The following HSPB8 variants were observed in gnomAD, a reference collection of about 807,000 sequenced individuals.
HSPB8 encodes heat shock protein beta-8.
HSPB8 carries 9 observed loss-of-function variants against 16.5 expected under a neutral mutation model. The ratio of observed to expected loss-of-function variants is 0.55; its 90% CI spans 0.33 to 0.95. HSPB8 has a LOEUF of 0.95. HSPB8 is among the 40% of genes least tolerant of loss of function. The pLI is 0.03. For missense variants in HSPB8, 238 were observed against 251.2 expected (o/e 0.95, Z 0.35); for synonymous variants, 99 against 94.8 (o/e 1.04, Z -0.26).
intron 1 of HSPB8, among the ~76,000 whole-genome samples, chr12:119,185,060 G>A (rs7304005): frequency 0.096 from 14,511 of 151,646 alleles, 921 homozygotes; most frequent in East Asian, 0.22. Context: ...TAGAAAAGTC[G>A]GAACATATAA....
chr12:119,194,039 A>G lies in HSPB8; in HGVS notation c.*181A>G, dbSNP rs1385345664. On this transcript the variant is annotated 3_prime_UTR_variant, in exon 3 of 3. Coordinates refer to ENST00000281938, the MANE Select transcript of HSPB8 (RefSeq NM_014365.3). ...GTAGATTTCTCCACAGGATAGCGCA[A>G]TTGGCAAATCATGCTTGGTTGTGTT... The G allele has an allele frequency of 7.2e-6, 5 of 693,034 alleles. No homozygotes were observed. The highest frequency in any genetic ancestry group is 1.3e-5 in the Non-Finnish European group (5 of 396,798). 42.9% of individuals were successfully genotyped at this position (693,034 alleles called of 1,614,324 possible).
chr12:119,193,473 T>G (rs1954724480), intron 2 of HSPB8, among the ~76,000 whole-genome samples: 2 of 152,124 alleles, frequency 1.3e-5, no homozygotes, highest in South Asian at 4.1e-4. Context: ...ACTCTACAAG[T>G]TCAGTATTAT....
chr12:119,179,972 T>C lies in HSPB8; in HGVS notation c.367+293T>C, dbSNP rs2278181. Among the ~76,000 whole-genome samples, 24 of 152,232 alleles carry C rather than the reference T, an allele frequency of 1.6e-4. No individual in the cohort carries two copies. The East Asian group carries it at 4.6e-3, about 29-fold the overall frequency. ...GGATATTTTGACAGAGGGCATTTAA[T>C]ATAAAGAATAGGTTAAGCAGATATC... On this transcript the variant is annotated intron_variant, in intron 1 of 2. Transcript: ENST00000281938.
Position 119,179,428 on chromosome 12 carries a change from C to G in HSPB8, c.116C>G (p.Pro39Arg). ...CTGGATGATGGCTTTGGCATGGACC[C>G]CTTCCCAGACGACTTGACAGCCTCT... ...RLLDDGFGMD[P>R]FPDDLTASWP... The change falls in exon 1 of 3, where the codon CCC (proline) becomes CGC (arginine). Residue 39 changes from proline (P) to arginine (R), a missense_variant. Pro to Arg is a moderately radical substitution (Grantham distance 103, BLOSUM62 -2). Transcript: ENST00000281938. 1.2e-6 allele frequency: 2 copies of G among 1,614,146 alleles called. No homozygotes were observed. The highest frequency in any genetic ancestry group is 1.7e-6 in the Non-Finnish European group (2 of 1,180,042).
Position 119,187,195 on chromosome 12 carries a change from C to T in HSPB8, c.431+107C>T, listed in dbSNP as rs1954682254. 3.5e-6 allele frequency: 3 copies of T among 861,062 alleles called. No homozygotes were observed. The East Asian group carries it at 7.7e-5, about 22-fold the overall frequency. The allele number at this position is 861,062 out of a possible 1,614,324, so 53.3% of individuals were successfully genotyped here. A position where few individuals can be genotyped will look rare whatever the true frequency, so the allele number is the denominator to read the frequency against. Reference sequence around the variant, plus strand: ...TCTTGGGCATCTCTCTTTTAAGACACCTCCTTGGGGCAGGGAATTGAACCC... The same window carrying T: ...TCTTGGGCATCTCTCTTTTAAGACATCTCCTTGGGGCAGGGAATTGAACCC... On this transcript the variant is annotated intron_variant, in intron 2 of 2. Coordinates refer to ENST00000281938, the MANE Select transcript of HSPB8 (RefSeq NM_014365.3).
At chr12:119,185,570 G>T (rs1565928679) in intron 1 of HSPB8, among the ~76,000 whole-genome samples, 1 of 152,076 alleles carries the variant, frequency 6.6e-6, no homozygotes, top group Non-Finnish European at 1.5e-5. Context: ...TTGACCTCGT[G>T]ATCCACCTGC....
chr12:119,189,035 T>C (rs920427359), intron 2 of HSPB8, among the ~76,000 whole-genome samples: 30 of 152,180 alleles, frequency 2.0e-4, no homozygotes, highest in African/African-American at 6.8e-4. Context: ...GCCTCTGCAG[T>C]TCTTGGAAGC....
rs183447670 is a variant in HSPB8, at chr12:119,193,683, C to T, written c.432-16C>T. 6.1e-4 allele frequency: 987 copies of T among 1,612,872 alleles called. 1 individual carries two copies. Among genetic ancestry groups the T allele is most frequent in the Non-Finnish European group, 8.0e-4 (938 of 1,178,850 alleles). ...ATTAACAACAATAAATGAATAAAAT[C>T]GTGTGTTTCTCCTAGGCTTCCTGCA... On this transcript the variant is annotated splice_polypyrimidine_tract_variant and intron_variant, in intron 2 of 2. Coordinates refer to ENST00000281938, the MANE Select transcript of HSPB8 (RefSeq NM_014365.3).
At chr12:119,180,657 A>G (rs1281686536) in intron 1 of HSPB8, among the ~76,000 whole-genome samples, 1 of 152,214 alleles carries the variant, frequency 6.6e-6, no homozygotes, top group African/African-American at 2.4e-5. Context: ...ACTAGGGGGA[A>G]AAATGAGAGA....
chr12:119,189,381 T>C (rs1954698019), intron 2 of HSPB8, among the ~76,000 whole-genome samples: 1 of 151,348 alleles, frequency 6.6e-6, no homozygotes, highest in South Asian at 2.1e-4. Context: ...GATAGCTTGC[T>C]GGAAGTAACC....
chr12:119,191,352 G>A (rs1057380006), intron 2 of HSPB8, among the ~76,000 whole-genome samples: 14 of 152,252 alleles, frequency 9.2e-5, no homozygotes, highest in African/African-American at 3.1e-4. Context: ...TGTGCACTGG[G>A]TTGGTGTGCA....
chr12:119,192,315 T>C (rs1954717060), intron 2 of HSPB8, among the ~76,000 whole-genome samples: 1 of 152,108 alleles, frequency 6.6e-6, no homozygotes, highest in Admixed American at 6.6e-5. Flanking sequence ...CTCTTAATCA[T>C]CCTCTTACAA....
chr12:119,186,931 G>A, intron 1 of HSPB8, 94 bp from the exon 2 acceptor site: 1 of 1,169,510 alleles, frequency 8.6e-7, no homozygotes, highest in Non-Finnish European at 1.3e-6. Flanking sequence ...ACACAGCAAG[G>A]CAGGTCCAGG....
At chr12:119,193,669 T>G (rs778587312) in intron 2 of HSPB8, 30 bp from the exon 3 acceptor site, 3 of 1,611,186 alleles carry the variant, frequency 1.9e-6, no homozygotes, top group Non-Finnish European at 1.7e-6. Context: ...TTAACAACAA[T>G]AAATGAATAA....
In HSPB8 at chr12:119,179,482, C is replaced by G; in HGVS notation, c.170C>G (p.Ser57Cys). The change falls in exon 1 of 3, where the codon TCC becomes TGC. Residue 57 changes from serine to cysteine, a missense_variant. Transcript: ENST00000281938. ...CCCGACTGGGCTCTGCCTCGTCTCT[C>G]CTCCGCCTGGCCAGGCACCCTAAGG... ...SWPDWALPRLSSAWPGTLRSG... is the reference protein window; with the variant it reads ...SWPDWALPRLCSAWPGTLRSG... 1 of 1,614,102 alleles carries G rather than the reference C, an allele frequency of 6.2e-7. No individual in the cohort carries two copies. The highest frequency in any genetic ancestry group is 8.5e-7 in the Non-Finnish European group (1 of 1,180,024).
At chr12:119,181,243 C>T (rs1954635119) in intron 1 of HSPB8, among the ~76,000 whole-genome samples, 3 of 152,178 alleles carry the variant, frequency 2.0e-5, no homozygotes, top group Admixed American at 2.0e-4. Flanking sequence ...CCTCCTGTCA[C>T]ATGCCCAAGG....
chr12:119,188,251 T>G (rs954463542), intron 2 of HSPB8, among the ~76,000 whole-genome samples: 1 of 149,998 alleles, frequency 6.7e-6, no homozygotes, highest in Non-Finnish European at 1.5e-5. Context: ...CTCTCTCTTT[T>G]TTTTTTTTTT....
chr12:119,184,222 G>A lies in HSPB8; in HGVS notation c.368-2803G>A, dbSNP rs771638492. ...ACTTCGGGTTTCCTATCTACAAAAT[G>A]ACAATAATGAAAATGCCTGCTTATA... On this transcript the variant is annotated intron_variant, in intron 1 of 2. Coordinates refer to ENST00000281938, the MANE Select transcript of HSPB8 (RefSeq NM_014365.3). 2.0e-5 allele frequency among the ~76,000 whole-genome samples: 3 copies of A among 152,258 alleles called. No homozygotes were observed. In the Middle Eastern group the frequency reaches 0.01, roughly 518 times the overall value.
intron 1 of HSPB8, among the ~76,000 whole-genome samples, chr12:119,184,443 T>G (rs577414575): frequency 6.6e-6 from 1 of 152,304 alleles, no homozygotes; most frequent in South Asian, 2.1e-4. Flanking sequence ...TCAGAGGCAC[T>G]GGCCTGTCCC....
Sources: allele counts gnomAD v4.1 joint callset (sites outside exome capture counted in the v4.1 genomes callset), GRCh38; gene constraint gnomAD v4.1.1; transcripts MANE v1.5; gene names NCBI Gene and HGNC (gene_info 2026-07-23, HGNC 2026-07-21).